DRAM1: variants seen among roughly 807,000 people sequenced by gnomAD.
DRAM1 encodes DNA damage-regulated autophagy modulator protein 1.
DRAM1 carries 25 observed loss-of-function variants against 28.5 expected under a neutral mutation model. The ratio of observed to expected loss-of-function variants is 0.88; its 90% CI spans 0.64 to 1.23. DRAM1 has a LOEUF of 1.23. DRAM1 is among the 50% of genes most tolerant of loss of function. DRAM1 has a pLI of 0.00. For missense variants in DRAM1, 249 were observed against 299.2 expected, an observed-to-expected ratio of 0.83 and a Z score of 1.24; for synonymous variants, 113 against 114.2, an observed-to-expected ratio of 0.99 and a Z score of 0.07.
At chr12:101,884,369 C>A (rs1415298855) in intron 1 of DRAM1, among the ~76,000 whole-genome samples, 547 of 77,608 alleles carry the variant, frequency 7.0e-3, no homozygotes, top group Non-Finnish European at 7.7e-3. Flanking sequence ...TACCCTGTCT[C>A]AAAAAAAAAA....
chr12:101,919,996 C>A, intron 5 of DRAM1, 113 bp from the exon 6 acceptor site: 1 of 636,474 alleles, frequency 1.6e-6, no homozygotes, highest in South Asian at 3.2e-5. Context: ...AAAGTTCTGA[C>A]TTATGCTCAC....
rs370556925 is a variant in DRAM1, at chr12:101,901,291, G to A, written c.200G>A (p.Gly67Asp). The part of the protein sequence containing the change: ...GFMINFSAFL[G>D]AATMYTRYKI... ...TCATCAAAGTTCTCTTCTTTTTCAG[G>A]TGCAGCCACGATGTATACAAGATAC... Residue 67 changes from glycine (G) to aspartate (D), a missense_variant and splice_region_variant, in exon 3 of 7, where the codon GGT (glycine) becomes GAT (aspartate). By Grantham distance (94) the Gly-to-Asp change is moderately conservative (BLOSUM62 -1). Transcript: ENST00000258534. 6.2e-7 allele frequency: 1 copy of A among 1,607,878 alleles called. No homozygotes were observed. Among genetic ancestry groups the A allele is most frequent in the East Asian group, 2.2e-5 (1 of 44,756 alleles).
At chr12:101,887,704 G>GT (rs1265631222) in intron 1 of DRAM1, among the ~76,000 whole-genome samples, 2 of 151,566 alleles carry the variant, frequency 1.3e-5, no homozygotes, top group Non-Finnish European at 2.9e-5. Flanking sequence ...CTAATTTTTT[G>GT]TTTTTGTTTT....
intron 1 of DRAM1, among the ~76,000 whole-genome samples, chr12:101,895,186 GTTTTTTTTTTTT>G (rs574722379): frequency 2.6e-5 from 2 of 75,734 alleles, no homozygotes; most frequent in South Asian, 5.5e-4. Flanking sequence ...AACCCTTCAG[GTTTTTTTTTTTT>G]TTTTTTTTTT....
At chr12:101,887,145 C>CAAAAAAAA (rs10654713) in intron 1 of DRAM1, among the ~76,000 whole-genome samples, 27 of 129,014 alleles carry the variant, frequency 2.1e-4, no homozygotes, top group South Asian at 4.9e-4. Flanking sequence ...AACTCCGTTT[C>CAAAAAAAA]AAAAAAAAAA....
At chr12:101,882,438 TG>T (rs1566119018) in intron 1 of DRAM1, among the ~76,000 whole-genome samples, 1 of 151,178 alleles carries the variant, frequency 6.6e-6, no homozygotes, top group Non-Finnish European at 1.5e-5. Flanking sequence ...TTAGCACAGT[TG>T]AACACTTTAA....
intron 1 of DRAM1, among the ~76,000 whole-genome samples, chr12:101,881,568 G>GC (rs370591712): frequency 5.7e-4 from 87 of 152,164 alleles, no homozygotes; most frequent in African/African-American, 2.0e-3. Context: ...AACCACGCTG[G>GC]CCTTGTGTCT....
At position 101,895,186 on chromosome 12, in the gene DRAM1, G is replaced by GTTTTTTTTTTTTTTTTTTT. The variant is rs574722379; in HGVS notation, c.132-2665_132-2647dup. Among the ~76,000 whole-genome samples, 48 of 75,732 alleles carry GTTTTTTTTTTTTTTTTTTT rather than the reference G, an allele frequency of 6.3e-4. 3 individuals are homozygous for GTTTTTTTTTTTTTTTTTTT. The highest frequency in any genetic ancestry group is 3.3e-3 in the East Asian group (5 of 1,516). 49.7% of individuals were successfully genotyped at this position (75,732 alleles called of 152,430 possible). A position where few individuals can be genotyped will look rare whatever the true frequency, so the allele number is the denominator to read the frequency against. ...TAATGCTAAATTCGAAACCCTTCAG[G>GTTTTTTTTTTTTTTTTTTT]TTTTTTTTTTTTTTTTTTTTTTTTT... On this transcript the variant is annotated intron_variant, in intron 1 of 6. Transcript: ENST00000258534.
At chr12:101,907,220 A>G (rs1381517435) in intron 3 of DRAM1, among the ~76,000 whole-genome samples, 8 of 139,128 alleles carry the variant, frequency 5.8e-5, no homozygotes, top group Middle Eastern at 7.5e-3. Context: ...AAAAAAAAAG[A>G]AGAAAAAAGA....
At chr12:101,886,831 A>C (rs1452562900) in intron 1 of DRAM1, among the ~76,000 whole-genome samples, 1 of 152,182 alleles carries the variant, frequency 6.6e-6, no homozygotes, top group African/African-American at 2.4e-5. Flanking sequence ...TGTAGGCAAA[A>C]AGAGAATTGT....
chr12:101,884,471 T>C (rs1872810618), intron 1 of DRAM1, among the ~76,000 whole-genome samples: 1 of 152,246 alleles, frequency 6.6e-6, no homozygotes, highest in African/African-American at 2.4e-5. Context: ...TTATTAACTT[T>C]TTCCAGCTGA....
At chr12:101,896,027 C>T (rs1873356993) in intron 1 of DRAM1, among the ~76,000 whole-genome samples, 1 of 152,094 alleles carries the variant, frequency 6.6e-6, no homozygotes, top group Admixed American at 6.6e-5. Context: ...GCTGGGATTA[C>T]AGGCACCCAC....
chr12:101,905,560 A>C (rs1179924787), intron 3 of DRAM1, among the ~76,000 whole-genome samples: 1 of 151,760 alleles, frequency 6.6e-6, no homozygotes, highest in Non-Finnish European at 1.5e-5. Flanking sequence ...GAGTTTACAG[A>C]CATAAGCCAC....
Position 101,912,491 on chromosome 12 carries a change from T to C in DRAM1, c.521-1683T>C, listed in dbSNP as rs548448952. ...CCCTTCTCCCACCCCCAGACCAGAATGGTACCTGGTGCACTGAAGATGGAG... is the reference window on the plus strand; with the variant it reads ...CCCTTCTCCCACCCCCAGACCAGAACGGTACCTGGTGCACTGAAGATGGAG... On this transcript the variant is annotated intron_variant, in intron 4 of 6. Transcript: ENST00000258534. Among the ~76,000 whole-genome samples the C allele has an allele frequency of 2.0e-5, 3 of 152,300 alleles. No homozygotes were observed. In the South Asian group the frequency reaches 6.2e-4, roughly 32 times the overall value.
chr12:101,894,459 C>T (rs1873269813), intron 1 of DRAM1, among the ~76,000 whole-genome samples: 1 of 152,108 alleles, frequency 6.6e-6, no homozygotes, highest in Non-Finnish European at 1.5e-5. Context: ...ACCATGTTGC[C>T]CAGACTGGTT....
intron 3 of DRAM1, among the ~76,000 whole-genome samples, chr12:101,903,739 G>C (rs1332494673): frequency 6.6e-6 from 1 of 152,076 alleles, no homozygotes; most frequent in Non-Finnish European, 1.5e-5. Flanking sequence ...TAATTACCTT[G>C]ATTTAATCAT....
intron 2 of DRAM1, among the ~76,000 whole-genome samples, chr12:101,900,831 T>C (rs956505649): frequency 1.3e-5 from 2 of 152,156 alleles, no homozygotes; most frequent in Admixed American, 1.3e-4. Context: ...TATACAAGGA[T>C]ATTCATGGCG....
intron 1 of DRAM1, among the ~76,000 whole-genome samples, chr12:101,896,605 TA>T (rs77916969): frequency 6.7e-6 from 1 of 149,972 alleles, no homozygotes; most frequent in East Asian, 1.9e-4. Context: ...CTCTAAAAAA[TA>T]AAAAAAAAGA....
rs562089908 is a variant in DRAM1, at chr12:101,923,340, G to C, written c.*2080G>C. 5.3e-5 allele frequency: 8 copies of C among 152,338 alleles called. No individual in the cohort carries two copies. The highest frequency in any genetic ancestry group is 2.0e-4 in the Admixed American group (3 of 15,308). 9.4% of individuals were successfully genotyped at this position (152,338 alleles called of 1,614,324 possible). On this transcript the variant is annotated 3_prime_UTR_variant, in exon 7 of 7. Coordinates refer to ENST00000258534, the MANE Select transcript of DRAM1 (RefSeq NM_018370.3). ...GACTTTTGTTCTCGGCGCTCCTCACGATGGAGTTTCATGCTTCATTTTCAC... is the reference window on the plus strand; with the variant it reads ...GACTTTTGTTCTCGGCGCTCCTCACCATGGAGTTTCATGCTTCATTTTCAC...
Sources: allele counts gnomAD v4.1 joint callset (sites outside exome capture counted in the v4.1 genomes callset), GRCh38; gene constraint gnomAD v4.1.1; transcripts MANE v1.5; gene names NCBI Gene and HGNC (gene_info 2026-07-23, HGNC 2026-07-21).